The following DLGAP2 variants were observed in gnomAD, a reference collection of about 807,000 sequenced individuals.
The protein encoded by DLGAP2 is DLG associated protein 2, also known as disks large-associated protein 2.
Under a neutral mutation model 100.3 loss-of-function variants are expected in DLGAP2, and 26 were observed. The observed-to-expected ratio is 0.26, with a 90% CI of 0.19 to 0.36. The LOEUF (loss-of-function observed/expected upper bound fraction) is 0.36. Ranked by LOEUF, DLGAP2 falls within the 10% of genes least tolerant of loss-of-function variation. The pLI, the probability that DLGAP2 is intolerant of heterozygous loss-of-function variation, is 1.00. For synonymous variants in DLGAP2, 886 were observed against 630.1 expected (o/e 1.41, Z -6.08); for missense variants, 1,858 against 1,453.2 (o/e 1.28, Z -4.53).
chr8:910,859 C>A (rs867926186), intron 2 of DLGAP2, among the ~76,000 whole-genome samples: 2 of 152,064 alleles, frequency 1.3e-5, no homozygotes, highest in Admixed American at 1.3e-4. Flanking sequence ...TAAAAAGGAT[C>A]GCCAAGCAGA....
chr8:1,324,218 A>C (rs928954023), intron 3 of DLGAP2, among the ~76,000 whole-genome samples: 1 of 152,186 alleles, frequency 6.6e-6, no homozygotes, highest in South Asian at 2.1e-4. Context: ...AATTAGGACA[A>C]ACCACTGTCT....
intron 3 of DLGAP2, among the ~76,000 whole-genome samples, chr8:1,349,138 C>G (rs1310838025): frequency 6.6e-6 from 1 of 151,386 alleles, no homozygotes; most frequent in Non-Finnish European, 1.5e-5. Context: ...CATCAGGTCT[C>G]TTTCCCTTCC....
intron 2 of DLGAP2, among the ~76,000 whole-genome samples, chr8:923,136 A>G (rs962547665): frequency 6.6e-6 from 1 of 152,220 alleles, no homozygotes; most frequent in African/African-American, 2.4e-5. Context: ...GTAGCAAACC[A>G]CAGGTTATCC....
rs574929410 is a variant in DLGAP2 at position 1,679,562 on chromosome 8, C to G, written c.2704+933C>G. ...ATGGGAGGGCCGTGTCATTCTTCTA[C>G]CAGTGTCACCAGGGCAGATCTGTCC... On this transcript the variant is annotated intron_variant, in intron 12 of 14. Transcript: ENST00000637795. Among the ~76,000 whole-genome samples, 6 of 152,360 alleles carry G rather than the reference C, an allele frequency of 3.9e-5. No individual in the cohort carries two copies. In the East Asian group the frequency reaches 1.2e-3, roughly 29 times the overall value.
intron 1 of DLGAP2, among the ~76,000 whole-genome samples, chr8:904,444 C>T (rs1411843508): frequency 5.3e-5 from 8 of 152,160 alleles, no homozygotes; most frequent in Non-Finnish European, 1.2e-4. Context: ...CACTTGAACC[C>T]AGGAGGTGGA....
intron 2 of DLGAP2, among the ~76,000 whole-genome samples, chr8:933,327 T>C (rs531553671): frequency 1.7e-4 from 26 of 152,042 alleles, no homozygotes; most frequent in African/African-American, 5.6e-4. Context: ...CAGAGTCTGC[T>C]GTGGACACCT....
At chr8:1,552,426 C>T (rs1801801219) in intron 5 of DLGAP2, among the ~76,000 whole-genome samples, 1 of 152,226 alleles carries the variant, frequency 6.6e-6, no homozygotes, top group Non-Finnish European at 1.5e-5. Context: ...CTGGACCCCT[C>T]ATGGAAGGAT....
intron 2 of DLGAP2, among the ~76,000 whole-genome samples, chr8:962,032 G>T (rs943439370): frequency 2.6e-5 from 4 of 152,208 alleles, no homozygotes; most frequent in Non-Finnish European, 4.4e-5. Context: ...TAGTTAGAAT[G>T]AATATAATTT....
intron 2 of DLGAP2, among the ~76,000 whole-genome samples, chr8:984,074 T>C (rs1426546393): frequency 6.6e-6 from 1 of 152,182 alleles, no homozygotes; most frequent in African/African-American, 2.4e-5. Flanking sequence ...GTCTCATGTG[T>C]AGCTTTTGGG....
intron 6 of DLGAP2, among the ~76,000 whole-genome samples, chr8:1,590,969 A>T (rs897295909): frequency 6.6e-6 from 1 of 152,212 alleles, no homozygotes; most frequent in Non-Finnish European, 1.5e-5. Flanking sequence ...CAAGCAAAAC[A>T]TATGTGCTTC....
At chr8:1,243,312 C>T (rs1798837754) in intron 2 of DLGAP2, among the ~76,000 whole-genome samples, 1 of 152,152 alleles carries the variant, frequency 6.6e-6, no homozygotes, top group Non-Finnish European at 1.5e-5. Context: ...TGGTGCAGCT[C>T]TGCTCTGCGA....
intron 1 of DLGAP2, among the ~76,000 whole-genome samples, chr8:789,050 C>T (rs949043596): frequency 5.3e-5 from 8 of 152,176 alleles, no homozygotes; most frequent in Non-Finnish European, 8.8e-5. Context: ...TGCTTTTCTT[C>T]CTGTTGAGTT....
intron 5 of DLGAP2, among the ~76,000 whole-genome samples, chr8:1,554,094 C>T (rs984156930): frequency 6.6e-6 from 1 of 152,144 alleles, no homozygotes; most frequent in East Asian, 1.9e-4. Flanking sequence ...TCAAGACCAA[C>T]CTGGCCAAAA....
chr8:1,560,229 C>G (rs1802113610), intron 5 of DLGAP2, among the ~76,000 whole-genome samples: 1 of 152,232 alleles, frequency 6.6e-6, no homozygotes, highest in South Asian at 2.1e-4. Flanking sequence ...ACAGTTACAT[C>G]TTTAAAAGAC....
At chr8:759,134 GACAGCTTTCCCA>G (rs1821001982) in intron 1 of DLGAP2, among the ~76,000 whole-genome samples, 1 of 9,584 alleles carries the variant, frequency 1.0e-4, no homozygotes, top group African/African-American at 3.5e-4. Flanking sequence ...CAATACCCCT[GACAGCTTTCCCA>G]TTATCAATAC....
chr8:1,435,632 G>A (rs930694481), intron 3 of DLGAP2, among the ~76,000 whole-genome samples: 1 of 151,836 alleles, frequency 6.6e-6, no homozygotes, highest in South Asian at 2.1e-4. Context: ...TTTAGAGTGC[G>A]CTCCTTCTGC....
intron 2 of DLGAP2, among the ~76,000 whole-genome samples, chr8:913,367 A>G (rs1798527779): frequency 6.6e-6 from 1 of 152,176 alleles, no homozygotes; most frequent in Non-Finnish European, 1.5e-5. Context: ...TGATGGACAA[A>G]TAAAGGAAAC....
At chr8:1,474,379 C>T (rs879783874) in intron 3 of DLGAP2, among the ~76,000 whole-genome samples, 1 of 152,144 alleles carries the variant, frequency 6.6e-6, no homozygotes. Context: ...ACTTCTTTCC[C>T]TCTGGGTAGA....
chr8:1,103,880 C>T (rs1294397603), intron 2 of DLGAP2, among the ~76,000 whole-genome samples: 1 of 152,206 alleles, frequency 6.6e-6, no homozygotes, highest in East Asian at 1.9e-4. Context: ...CGAGGGGTCC[C>T]CGCACCCATG....
Sources: allele counts gnomAD v4.1 joint callset (sites outside exome capture counted in the v4.1 genomes callset), GRCh38; gene constraint gnomAD v4.1.1; transcripts MANE v1.5; gene names NCBI Gene and HGNC (gene_info 2026-07-23, HGNC 2026-07-21).